ADAMTS8: variants seen among roughly 807,000 people sequenced by gnomAD.
The protein encoded by ADAMTS8 is ADAM metallopeptidase with thrombospondin type 1 motif 8.
Under a neutral mutation model 64.4 loss-of-function variants are expected in ADAMTS8, and 50 were observed. The ratio of observed to expected loss-of-function variants is 0.78; its 90% confidence interval spans 0.62 to 0.98. ADAMTS8 has a LOEUF of 0.98. ADAMTS8 is among the 50% of genes least tolerant of loss of function. The pLI, the probability that ADAMTS8 is intolerant of heterozygous loss-of-function variation, is 0.00. For synonymous variants in ADAMTS8, 556 were observed against 533.6 expected (o/e 1.04, Z -0.58); for missense variants, 1,192 against 1,208.2 (o/e 0.99, Z 0.20).
chr11:130,406,922 C>T (rs1861892345), intron 8 of ADAMTS8, among the ~76,000 whole-genome samples: 1 of 151,922 alleles, frequency 6.6e-6, no homozygotes, highest in African/African-American at 2.4e-5. Context: ...GCTTTTCTTA[C>T]CATATGTCCA....
chr11:130,408,353 C>T (rs1439873604), intron 8 of ADAMTS8, 111 bp downstream of exon 8: 3 of 1,319,130 alleles, frequency 2.3e-6, no homozygotes, highest in Non-Finnish European at 3.1e-6. Context: ...ATAACTTGCC[C>T]AACCCTCACA....
chr11:130,419,266 C>T lies in ADAMTS8; in HGVS notation c.747G>A (p.Val249=). 3.7e-6 allele frequency: 6 copies of T among 1,613,954 alleles called. No individual in the cohort carries two copies. The highest frequency in any genetic ancestry group is 5.1e-6 in the Non-Finnish European group (6 of 1,180,040). The change falls in exon 2 of 9, where the codon GTG becomes GTA. Residue 249 remains valine (V), a synonymous_variant. Coordinates refer to ENST00000257359, the MANE Select transcript of ADAMTS8 (RefSeq NM_007037.6). ...TGGGGTGCTTGTAGATTCGGGCTGC[C>T]ACAGACATTAACGTCAGGATGTGGT... ...LQNHILTLMS[V]AARIYKHPSI...
In ADAMTS8 at chr11:130,405,829, G is replaced by C. The variant is rs373860109; in HGVS notation, c.2399C>G (p.Pro800Arg). The C allele has an allele frequency of 7.4e-6, 12 of 1,613,738 alleles. No homozygotes were observed. In the African/African-American group the frequency reaches 1.2e-4, roughly 16 times the overall value. Reference sequence around the variant, plus strand: ...AACAAAGAAGGTGTATTTGACTTTTGGGGGGAAGACCTCGCCAGGGACTGT... The same window carrying C: ...AACAAAGAAGGTGTATTTGACTTTTCGGGGGAAGACCTCGCCAGGGACTGT... ...LLTVPGEVFP[P>R]KVKYTFFVPN... The change falls in exon 9 of 9, where the codon CCA becomes CGA. Residue 800 changes from proline (P) to arginine (R), a missense_variant. Pro to Arg is a moderately radical substitution (Grantham distance 103, BLOSUM62 -2). Transcript: ENST00000257359.
At chr11:130,424,786 C>A (rs1476048126) in intron 1 of ADAMTS8, among the ~76,000 whole-genome samples, 1 of 152,126 alleles carries the variant, frequency 6.6e-6, no homozygotes, top group Non-Finnish European at 1.5e-5. Flanking sequence ...GGCTGGTCAG[C>A]TCATCATAGC....
Position 130,411,565 on chromosome 11 carries a change from G to A in ADAMTS8, c.1602C>T (p.Pro534=), listed in dbSNP as rs1336188580. 1 of 1,614,114 alleles carries A rather than the reference G, an allele frequency of 6.2e-7. No individual in the cohort carries two copies. Among genetic ancestry groups the A allele is most frequent in the Non-Finnish European group, 8.5e-7 (1 of 1,180,020 alleles). ...VADGGWAPWG[P]WGECSRTCGG... ...CACAGGTCCGAGAACATTCTCCCCA[G>A]GGTCCCCACGGTGCCCAGCCTCCAT... The change falls in exon 6 of 9, where the codon CCC becomes CCT. Residue 534 remains proline (P), a synonymous_variant. Transcript: ENST00000257359. The surrounding 1 kb of genome is among the most constrained non-coding windows in gnomAD (Gnocchi z 4.2).
rs569103310 is a variant in ADAMTS8 at position 130,417,336 on chromosome 11, A to G, written c.961-261T>C. Reference sequence around the variant, plus strand: ...CAGTGGCACGATCTCAGCTCACTGCATCCTCTGCTTATGGGGTTGAGGCGA... The same window carrying G: ...CAGTGGCACGATCTCAGCTCACTGCGTCCTCTGCTTATGGGGTTGAGGCGA... On this transcript the variant is annotated intron_variant, in intron 2 of 8. Transcript: ENST00000257359. Among the ~76,000 whole-genome samples the G allele has an allele frequency of 3.3e-5, 5 of 151,390 alleles. No individual in the cohort carries two copies. The South Asian group carries it at 8.4e-4, about 25-fold the overall frequency.
Position 130,427,711 on chromosome 11 carries a change from T to G in ADAMTS8, c.576A>C (p.Glu192Asp). ...HQEDSEEESQ[E>D]EEAEGASEPP... ...GCTCGCTAGCGCCTTCTGCCTCCTC[T>G]TCTTGGCTCTCCTCCTCGCTGTCCT... Residue 192 changes from glutamate (E) to aspartate (D), a missense_variant, in exon 1 of 9, where the codon GAA becomes GAC. Around this residue, in one of 5 missense-constraint regions of ADAMTS8, gnomAD observed 741 missense variants for 710.6 expected, o/e 1.04. Coordinates refer to ENST00000257359, the MANE Select transcript of ADAMTS8 (RefSeq NM_007037.6). The G allele has an allele frequency of 6.3e-7, 1 of 1,595,556 alleles. No homozygotes were observed. The highest frequency in any genetic ancestry group is 1.1e-5 in the South Asian group (1 of 87,968).
intron 2 of ADAMTS8, 68 bp from the exon 3 acceptor site, chr11:130,417,143 G>C: frequency 6.3e-7 from 1 of 1,594,086 alleles, no homozygotes; most frequent in Non-Finnish European, 8.6e-7. Flanking sequence ...GGCCTGCAGG[G>C]CCGGGTGTGG....
chr11:130,405,562 A>T lies in ADAMTS8; in HGVS notation c.2666T>A (p.Leu889Gln). The part of the protein sequence containing the change: ...AKPCESQLCP[L>Q] ...ACTGGCCCCTGCCCCCCTGAATCAC[A>T]GGGGGCACAGCTGGCTTTCGCAGGG... The change falls in exon 9 of 9, where the codon CTG (leucine) becomes CAG (glutamine). Residue 889 changes from leucine to glutamine, a missense_variant. Physicochemically the swap from Leu to Gln is moderately radical, Grantham distance 113. Around this residue, in one of 5 missense-constraint regions of ADAMTS8, gnomAD observed 147 missense variants for 154.1 expected, o/e 0.95. Coordinates refer to ENST00000257359, the MANE Select transcript of ADAMTS8 (RefSeq NM_007037.6). 1 of 1,596,758 alleles carries T rather than the reference A, an allele frequency of 6.3e-7. No homozygotes were observed. Among genetic ancestry groups the T allele is most frequent in the Non-Finnish European group, 8.6e-7 (1 of 1,169,226 alleles).
intron 1 of ADAMTS8, among the ~76,000 whole-genome samples, chr11:130,420,713 A>G (rs1044280324): frequency 6.6e-6 from 1 of 152,082 alleles, no homozygotes; most frequent in East Asian, 1.9e-4. Flanking sequence ...TGTTAGCCCT[A>G]CAAGCAGGGG....
intron 8 of ADAMTS8, among the ~76,000 whole-genome samples, chr11:130,407,677 C>T (rs530823540): frequency 1.3e-5 from 2 of 152,224 alleles, no homozygotes; most frequent in South Asian, 2.1e-4. Flanking sequence ...ATAAAACACC[C>T]GAACTTGCCC....
chr11:130,415,379 C>T (rs930708688), intron 4 of ADAMTS8, among the ~76,000 whole-genome samples: 15 of 152,004 alleles, frequency 9.9e-5, no homozygotes, highest in Admixed American at 2.6e-4. Flanking sequence ...TCTCGGCTCA[C>T]CGCAACCTCC....
At chr11:130,424,852 G>A (rs551096881) in intron 1 of ADAMTS8, among the ~76,000 whole-genome samples, 82 of 152,192 alleles carry the variant, frequency 5.4e-4, no homozygotes, top group Non-Finnish European at 9.4e-4. Context: ...TCCCCCACCC[G>A]CCACGGTGGC....
intron 1 of ADAMTS8, among the ~76,000 whole-genome samples, chr11:130,421,458 G>A (rs539018688): frequency 6.6e-6 from 1 of 152,234 alleles, no homozygotes; most frequent in African/African-American, 2.4e-5. Flanking sequence ...AGCTTCGAGG[G>A]GTGGGCTGGA....
chr11:130,405,780 C>A lies in ADAMTS8; in HGVS notation c.2448G>T (p.Met816Ile). ...TGGTTGCTCTCTCTTTGCTGCTCTG[C>A]ATGCTAAAGTCCACGTCATTAGGAA... ...FFVPNDVDFS[M>I]QSSKERATTN... Residue 816 changes from methionine (M) to isoleucine (I), a missense_variant, in exon 9 of 9, where the codon ATG becomes ATT. Physicochemically the swap from Met to Ile is conservative, Grantham distance 10 (BLOSUM62 1). This residue lies in a region of ADAMTS8 where 147 missense variants were observed against 154.1 expected (regional missense o/e 0.95). Transcript: ENST00000257359. The A allele has an allele frequency of 1.2e-6, 2 of 1,614,118 alleles. No homozygotes were observed. The highest frequency in any genetic ancestry group is 2.2e-5 in the South Asian group (2 of 91,092).
Position 130,411,715 on chromosome 11 carries a change from A to T in ADAMTS8, c.1567-115T>A. 3.7e-6 allele frequency: 4 copies of T among 1,092,336 alleles called. No homozygotes were observed. The highest frequency in any genetic ancestry group is 5.3e-6 in the Non-Finnish European group (4 of 757,556). The allele number at this position is 1,092,336 out of a possible 1,614,324, so 67.7% of individuals were successfully genotyped here. On this transcript the variant is annotated intron_variant, in intron 5 of 8. Coordinates refer to ENST00000257359, the MANE Select transcript of ADAMTS8 (RefSeq NM_007037.6). This position sits in a 1 kb window ranked among gnomAD's most constrained non-coding sequence, Gnocchi z 4.2. Reference sequence around the variant, plus strand: ...CATCTAGTCATTATCATCTTGGTGCATGGAGTGCCGTAAACTGCCTCAATC... The same window carrying T: ...CATCTAGTCATTATCATCTTGGTGCTTGGAGTGCCGTAAACTGCCTCAATC...
At chr11:130,427,431 G>A (rs116943477) in intron 1 of ADAMTS8, 136 bp downstream of exon 1, 18,002 of 1,082,878 alleles carry the variant, frequency 0.017, 247 homozygotes, top group Non-Finnish European at 0.02. Context: ...GGTAAGGCTG[G>A]AGAAGATGAG....
rs1397762587 is a variant in ADAMTS8 at position 130,414,900 on chromosome 11, C to A, written c.1265-68G>T. On this transcript the variant is annotated intron_variant, in intron 4 of 8. Coordinates refer to ENST00000257359, the MANE Select transcript of ADAMTS8 (RefSeq NM_007037.6). ...TGCCGCCCTCTCAGCTCTTCATGGC[C>A]TGTGATGGATGGCACTGAAGGTCTA... The A allele has an allele frequency of 2.7e-5, 39 of 1,450,532 alleles. No homozygotes were observed. The South Asian group carries it at 5.5e-4, about 20-fold the overall frequency. The allele number at this position is 1,450,532 out of a possible 1,614,324, so 89.9% of individuals were successfully genotyped here.
chr11:130,406,812 T>G (rs1861890859), intron 8 of ADAMTS8, among the ~76,000 whole-genome samples: 1 of 152,174 alleles, frequency 6.6e-6, no homozygotes, highest in South Asian at 2.1e-4. Flanking sequence ...GGCTTAGGGC[T>G]TTAGGTAGGA....
Sources: gnomAD v4.1 joint callset for allele counts (sites outside exome capture counted in the v4.1 genomes callset) on GRCh38, gnomAD v4.1.1 for gene constraint, gnomAD v4.1.1 regional missense constraint, Gnocchi (gnomAD v3.1) non-coding constraint, MANE v1.5 for transcripts, NCBI Gene and HGNC (gene_info 2026-07-23, HGNC 2026-07-21) for gene names.